The following LARGE1 variants were observed in gnomAD, a reference collection of about 807,000 sequenced individuals.
LARGE1 encodes xylosyl- and glucuronyltransferase LARGE1.
LARGE1 carries 43 observed loss-of-function variants against 87.6 expected under a neutral mutation model. That is an observed-to-expected ratio of 0.49 (90% CI 0.38 to 0.63). The LOEUF (loss-of-function observed/expected upper bound fraction) is 0.63, where lower values mean the gene tolerates loss of function less well. Ranked by LOEUF, LARGE1 falls within the 30% of genes least tolerant of loss-of-function variation. The pLI is 0.00. For synonymous variants in LARGE1, 434 were observed against 394.6 expected (o/e 1.10, Z -1.18); for missense variants, 802 against 1,000.2 (o/e 0.80, Z 2.67).
chr22:33,457,060 C>G (rs970485913), intron 6 of LARGE1, among the ~76,000 whole-genome samples: 1 of 152,152 alleles, frequency 6.6e-6, no homozygotes, highest in African/African-American at 2.4e-5. Context: ...TATAGCATCA[C>G]TGAAGATGTA....
chr22:33,843,440 A>AAATAAATAAATAAATAAAT (rs1568978753), intron 1 of LARGE1, among the ~76,000 whole-genome samples: 1 of 146,536 alleles, frequency 6.8e-6, no homozygotes, highest in Non-Finnish European at 1.5e-5. Context: ...CCCTCTCAAA[A>AAATAAATAAATAAATAAAT]AAATAAATAA....
chr22:33,635,054 G>A (rs1454363140), intron 3 of LARGE1, among the ~76,000 whole-genome samples: 1 of 151,792 alleles, frequency 6.6e-6, no homozygotes, highest in Non-Finnish European at 1.5e-5. Context: ...GGAGGTGGGG[G>A]CTGCAGTGAG....
chr22:33,878,129 C>CTTTTTTTTTTTTTTTTTTTTA (rs2064534795), intron 1 of LARGE1, among the ~76,000 whole-genome samples: 1 of 44,652 alleles, frequency 2.2e-5, no homozygotes, highest in Admixed American at 2.9e-4. Context: ...TATTGTATTT[C>CTTTTTTTTTTTTTTTTTTTTA]TTTTTTTTTT....
chr22:33,666,638 G>A (rs2081274793), intron 2 of LARGE1, among the ~76,000 whole-genome samples: 1 of 152,202 alleles, frequency 6.6e-6, no homozygotes, highest in Non-Finnish European at 1.5e-5. Flanking sequence ...GGTCAGACAG[G>A]AGAAGTGACA....
chr22:33,387,052 C>T lies in LARGE1; in HGVS notation c.893-2748G>A, dbSNP rs551937994. Among the ~76,000 whole-genome samples, 29 of 147,072 alleles carry T rather than the reference C, an allele frequency of 2.0e-4. 2 individuals are homozygous for T. In the East Asian group the frequency reaches 2.7e-3, roughly 14 times the overall value. On this transcript the variant is annotated intron_variant, in intron 7 of 14. Transcript: ENST00000397394. ...CCAGGAGGCGGAGGTTGCAGTGAGC[C>T]GAGATTGTGCCACTGTACTCCAGCC...
At chr22:33,599,879 C>T (rs187133004) in intron 5 of LARGE1, among the ~76,000 whole-genome samples, 312 of 152,286 alleles carry the variant, frequency 2.0e-3, no homozygotes, top group African/African-American at 7.2e-3. Context: ...TTCCTCCTTC[C>T]CTAAGGTCGT....
chr22:33,532,081 T>C (rs1266001630), intron 6 of LARGE1, among the ~76,000 whole-genome samples: 2 of 152,238 alleles, frequency 1.3e-5, no homozygotes, highest in African/African-American at 2.4e-5. Context: ...AGAGTGAGCA[T>C]TTAATTAACA....
intron 2 of LARGE1, among the ~76,000 whole-genome samples, chr22:33,739,476 C>T (rs2083793734): frequency 6.6e-6 from 1 of 152,016 alleles, no homozygotes; most frequent in African/African-American, 2.4e-5. Flanking sequence ...GTCTAATTTA[C>T]CCTGCAGCCA....
intron 6 of LARGE1, 92 bp from the exon 7 acceptor site, chr22:33,432,357 T>A: frequency 1.1e-6 from 1 of 909,358 alleles, no homozygotes; most frequent in Non-Finnish European, 1.8e-6. Flanking sequence ...TGGCAAATCA[T>A]CACAACAACA....
At chr22:33,375,840 T>TG (rs2064975345) in intron 9 of LARGE1, among the ~76,000 whole-genome samples, 1 of 152,176 alleles carries the variant, frequency 6.6e-6, no homozygotes, top group Non-Finnish European at 1.5e-5. Flanking sequence ...CTCAGGCTCC[T>TG]GGGGTGAAGC....
chr22:33,860,983 C>T (rs1248936161), intron 1 of LARGE1, among the ~76,000 whole-genome samples: 6 of 152,176 alleles, frequency 3.9e-5, no homozygotes, highest in Non-Finnish European at 2.9e-5. Context: ...GAAGCCTGCA[C>T]TCCTGGGCAC....
intron 12 of LARGE1, among the ~76,000 whole-genome samples, chr22:33,284,397 T>C (rs1000124358): frequency 1.7e-4 from 26 of 152,270 alleles, no homozygotes; most frequent in Admixed American, 1.6e-3. Flanking sequence ...AGAGCTCTGG[T>C]ATCTCCCTAA....
In LARGE1 at chr22:33,577,779, G is replaced by A. The variant is rs553730321; in HGVS notation, c.616-12760C>T. ...CACACGGACAGCAACTTACAAGCAG[G>A]CAAAGACAGTTGAGGAGGATGATCC... On this transcript the variant is annotated intron_variant, in intron 5 of 14. Coordinates refer to ENST00000397394, the MANE Select transcript of LARGE1 (RefSeq NM_133642.5). 4.6e-5 allele frequency among the ~76,000 whole-genome samples: 7 copies of A among 152,338 alleles called. No homozygotes were observed. In the South Asian group the frequency reaches 6.2e-4, roughly 14 times the overall value.
At chr22:33,745,773 A>C (rs1378778222) in intron 2 of LARGE1, among the ~76,000 whole-genome samples, 1 of 152,112 alleles carries the variant, frequency 6.6e-6, no homozygotes, top group Non-Finnish European at 1.5e-5. Flanking sequence ...CATGGCTTGA[A>C]AAGTGATAAA....
At chr22:33,713,462 T>C (rs2082802820) in intron 2 of LARGE1, among the ~76,000 whole-genome samples, 1 of 152,146 alleles carries the variant, frequency 6.6e-6, no homozygotes, top group Non-Finnish European at 1.5e-5. Context: ...GATTCATTCA[T>C]TCCGCGGTCG....
chr22:33,073,988 C>G, the LARGE1 span, among the ~76,000 whole-genome samples: 1 of 152,172 alleles, frequency 6.6e-6, no homozygotes, highest in Non-Finnish European at 1.5e-5. Context: ...TCCTGGCTCT[C>G]ACTCTCTCCC....
intron 7 of LARGE1, among the ~76,000 whole-genome samples, chr22:33,424,916 G>A (rs2066822846): frequency 6.6e-6 from 1 of 152,134 alleles, no homozygotes; most frequent in South Asian, 2.1e-4. Context: ...CCTTTGGGAA[G>A]TAATTAGGGT....
At chr22:33,520,151 T>C (rs1312329656) in intron 6 of LARGE1, among the ~76,000 whole-genome samples, 1 of 151,944 alleles carries the variant, frequency 6.6e-6, no homozygotes, top group Non-Finnish European at 1.5e-5. Flanking sequence ...GCTACAGGCC[T>C]GTGCTGCCAC....
At chr22:33,480,269 G>T (rs2069261215) in intron 6 of LARGE1, among the ~76,000 whole-genome samples, 1 of 152,172 alleles carries the variant, frequency 6.6e-6, no homozygotes, top group Non-Finnish European at 1.5e-5. Flanking sequence ...TACAGAGAGT[G>T]ACAGTATCAA....
Sources: gnomAD v4.1 joint callset for allele counts (sites outside exome capture counted in the v4.1 genomes callset) on GRCh38, gnomAD v4.1.1 for gene constraint, MANE v1.5 for transcripts, NCBI Gene and HGNC (gene_info 2026-07-23, HGNC 2026-07-21) for gene names.